The following CWC22 variants were observed in gnomAD, a reference collection of about 807,000 sequenced individuals.
CWC22 encodes CWC22 spliceosome associated protein, also known as pre-mRNA-splicing factor CWC22 homolog.
In CWC22, 53 loss-of-function variants were observed where a neutral mutation model predicts 117.2. That is an observed-to-expected ratio of 0.45 (90% CI 0.36 to 0.57). The LOEUF (loss-of-function observed/expected upper bound fraction) is 0.57. CWC22 is among the 20% of genes least tolerant of loss of function. CWC22 has a pLI of 0.00. For missense variants in CWC22, 980 were observed against 1,068.8 expected (o/e 0.92, Z 1.16); for synonymous variants, 360 against 355.6 (o/e 1.01, Z -0.14).
intron 1 of CWC22, among the ~76,000 whole-genome samples, chr2:180,004,245 G>A (rs1008920649): frequency 2.6e-5 from 4 of 152,144 alleles, no homozygotes; most frequent in African/African-American, 7.2e-5. Flanking sequence ...ACAATAAATT[G>A]AAAATATTAT....
intron 12 of CWC22, 108 bp from the exon 13 acceptor site, chr2:179,964,736 A>C: frequency 1.8e-6 from 1 of 559,226 alleles, no homozygotes; most frequent in Non-Finnish European, 3.1e-6. Flanking sequence ...ATCAATACAA[A>C]TTTAATAATA....
chr2:179,958,951 T>C, intron 14 of CWC22, 71 bp downstream of exon 14: 8 of 845,178 alleles, frequency 9.5e-6, no homozygotes, highest in Non-Finnish European at 1.5e-5. Context: ...CCACAAAACT[T>C]ACCCATTAAC....
intron 11 of CWC22, among the ~76,000 whole-genome samples, chr2:179,969,874 T>C (rs183192164): frequency 1.3e-5 from 2 of 152,268 alleles, no homozygotes; most frequent in East Asian, 3.9e-4. Context: ...TAGGTGATAA[T>C]ACACAACACT....
chr2:179,998,374 A>G (rs139316528), intron 1 of CWC22, among the ~76,000 whole-genome samples: 69 of 152,188 alleles, frequency 4.5e-4, no homozygotes, highest in African/African-American at 1.6e-3. Flanking sequence ...ATCTTCCTCA[A>G]TCCTCATAAT....
At position 179,993,334 on chromosome 2, in the gene CWC22, C is replaced by T. The variant is rs1687617885; in HGVS notation, c.8G>A (p.Ser3Asn). The part of the protein sequence containing the change: MK[S>N]SVAQIKPSSG... ...ACTTACTTTTATCTGTGCCACACTA[C>T]TTTTCATTTTCTGTTGCCAGTTGGT... The change falls in exon 2 of 20, where the codon AGT (serine) becomes AAT (asparagine). Residue 3 changes from serine to asparagine, a missense_variant. Transcript: ENST00000410053. 1.9e-6 allele frequency: 3 copies of T among 1,566,744 alleles called. No individual in the cohort carries two copies. The Admixed American group carries it at 5.7e-5, about 30-fold the overall frequency.
chr2:179,987,392 AATAG>A (rs1267339840), intron 3 of CWC22, among the ~76,000 whole-genome samples: 2 of 152,230 alleles, frequency 1.3e-5, no homozygotes, highest in Non-Finnish European at 2.9e-5. Context: ...ATATATACAT[AATAG>A]ATACATAGTA....
chr2:179,963,335 C>CTTTTTTTTTT (rs774947016), intron 13 of CWC22, among the ~76,000 whole-genome samples: 3 of 82,068 alleles, frequency 3.7e-5, no homozygotes, highest in Non-Finnish European at 4.1e-5. Flanking sequence ...ATATTTAATA[C>CTTTTTTTTTT]TTTTTTTTTT....
chr2:179,957,526 C>T (rs1429912716), intron 14 of CWC22, among the ~76,000 whole-genome samples: 3 of 152,108 alleles, frequency 2.0e-5, no homozygotes, highest in Non-Finnish European at 4.4e-5. Context: ...TGCTATATTC[C>T]AATAACACTT....
chr2:179,963,938 T>A lies in CWC22; in HGVS notation c.1397+609A>T, dbSNP rs566276794. Among the ~76,000 whole-genome samples, 17 of 152,348 alleles carry A rather than the reference T, an allele frequency of 1.1e-4. 1 individual carries two copies. The South Asian group carries it at 3.1e-3, about 28-fold the overall frequency. ...GTTGATTCACATACAAACTACCAGA[T>A]GCACTAAGATTTAACATCCTCATTT... On this transcript the variant is annotated intron_variant, in intron 13 of 19. Transcript: ENST00000410053.
intron 19 of CWC22, among the ~76,000 whole-genome samples, chr2:179,948,232 A>T (rs1686358642): frequency 6.6e-6 from 1 of 152,194 alleles, no homozygotes; most frequent in Non-Finnish European, 1.5e-5. Flanking sequence ...AAATGACAGT[A>T]TTGGACTTTA....
intron 4 of CWC22, among the ~76,000 whole-genome samples, chr2:179,983,960 T>C (rs1474787791): frequency 1.3e-5 from 2 of 152,150 alleles, no homozygotes; most frequent in African/African-American, 4.8e-5. Context: ...ATTATTGTGT[T>C]TGTTCCTTTA....
At chr2:179,964,354 A>G (rs924945371) in intron 13 of CWC22, among the ~76,000 whole-genome samples, 193 bp downstream of exon 13, 18 of 152,218 alleles carry the variant, frequency 1.2e-4, no homozygotes, top group African/African-American at 3.9e-4. Context: ...CCATTAAGTA[A>G]AAACAATTTG....
chr2:179,945,511 G>T lies in CWC22; in HGVS notation c.2345C>A (p.Thr782Lys), dbSNP rs1310723210. The T allele has an allele frequency of 1.9e-6, 3 of 1,613,004 alleles. No individual in the cohort carries two copies. Among genetic ancestry groups the T allele is most frequent in the Non-Finnish European group, 2.5e-6 (3 of 1,179,290 alleles). ...AACATCTTTGTCTGATGTGTACTTT[G>T]TTATAGGATCTCTCCAATTTGAACC... ...SSGSNWRDPI[T>K]KYTSDKDVPS... Residue 782 changes from threonine (T) to lysine (K), a missense_variant, in exon 20 of 20, where the codon ACA becomes AAA. This residue lies in a region of CWC22 where 306 missense variants were observed against 296.8 expected (regional missense o/e 1.03). Transcript: ENST00000410053.
intron 1 of CWC22, among the ~76,000 whole-genome samples, chr2:179,997,976 A>C (rs773518515): frequency 4.6e-5 from 7 of 152,202 alleles, no homozygotes; most frequent in Non-Finnish European, 1.0e-4. Flanking sequence ...GAAAAAATGC[A>C]TGACAGGAGA....
chr2:179,966,084 G>T, intron 11 of CWC22, 102 bp from the exon 12 acceptor site: 1 of 836,042 alleles, frequency 1.2e-6, no homozygotes, highest in Non-Finnish European at 1.8e-6. Flanking sequence ...CCACTGTGGT[G>T]TAACAGTTTG....
At chr2:179,984,695 T>TGGTTTTATGAA (rs1687370933) in intron 4 of CWC22, among the ~76,000 whole-genome samples, 1 of 152,082 alleles carries the variant, frequency 6.6e-6, no homozygotes, top group African/African-American at 2.4e-5. Flanking sequence ...AGGAGAAAGC[T>TGGTTTTATGAA]GGTTTTATGA....
At chr2:179,960,017 TTTC>T (rs1686705593) in intron 13 of CWC22, among the ~76,000 whole-genome samples, 3 of 152,116 alleles carry the variant, frequency 2.0e-5, no homozygotes, top group Non-Finnish European at 2.9e-5. Flanking sequence ...TCTATGTGAT[TTTC>T]TTCATTTTAA....
Position 179,950,684 on chromosome 2 carries a change from C to T in CWC22, c.1968G>A (p.Ala656=), listed in dbSNP as rs749617124. ...HLKNTPKVIV[A]QKPDVEQNKS... Reference sequence around the variant, plus strand: ...TATTTTGCTCAACATCTGGTTTCTGCGCCACAATGACCTTTGGTGTATTTT... The same window carrying T: ...TATTTTGCTCAACATCTGGTTTCTGTGCCACAATGACCTTTGGTGTATTTT... Residue 656 remains alanine (A), a synonymous_variant, in exon 19 of 20, where the codon GCG becomes GCA. Transcript: ENST00000410053. 17 of 1,613,458 alleles carry T rather than the reference C, an allele frequency of 1.1e-5. No individual in the cohort carries two copies. Among genetic ancestry groups the T allele is most frequent in the Middle Eastern group, 1.6e-4 (1 of 6,080 alleles).
At position 179,970,714 on chromosome 2, in the gene CWC22, T is replaced by C. The variant is rs1197880330; in HGVS notation, c.1083A>G (p.Glu361=). 3 of 1,613,672 alleles carry C rather than the reference T, an allele frequency of 1.9e-6. No homozygotes were observed. In the Admixed American group the frequency reaches 5.0e-5, roughly 27 times the overall value. The change falls in exon 10 of 20, where the codon GAA becomes GAG. Residue 361 remains glutamate, a synonymous_variant. Coordinates refer to ENST00000410053, the MANE Select transcript of CWC22 (RefSeq NM_020943.3). The part of the protein sequence containing the change: ...PIILEGLDLV[E]EDDQFTHMLP... ...GCATATGAGTGAATTGATCATCTTC[T>C]TCCACCAAATCAAGACCTTCTAGGA...
Sources: gnomAD v4.1 joint callset for allele counts (sites outside exome capture counted in the v4.1 genomes callset) on GRCh38, gnomAD v4.1.1 for gene constraint, gnomAD v4.1.1 regional missense constraint, MANE v1.5 for transcripts, NCBI Gene and HGNC (gene_info 2026-07-23, HGNC 2026-07-21) for gene names.